The following EIF4E variants were observed in gnomAD, a reference collection of about 807,000 sequenced individuals.
The protein encoded by EIF4E is eIF-4F 25 kDa subunit.
For missense variants in EIF4E, 113 were observed against 265.6 expected, an observed-to-expected ratio of 0.43 and a Z score of 3.99; for synonymous variants, 71 against 88.5, an observed-to-expected ratio of 0.80 and a Z score of 1.11.
At chr4:98,917,118 AC>A (rs1560652589) in intron 1 of EIF4E, among the ~76,000 whole-genome samples, 3 of 55,002 alleles carry the variant, frequency 5.5e-5, no homozygotes, top group Non-Finnish European at 1.0e-4. Flanking sequence ...ACACACACAC[AC>A]ACACACACAC....
At chr4:98,899,438 C>G (rs1037165388) in intron 2 of EIF4E, among the ~76,000 whole-genome samples, 18 of 152,072 alleles carry the variant, frequency 1.2e-4, no homozygotes, top group African/African-American at 3.6e-4. Context: ...CATGAGTTAG[C>G]AAGGATATAG....
At chr4:98,883,658 C>T (rs1433711914) in intron 6 of EIF4E, among the ~76,000 whole-genome samples, 2 of 151,948 alleles carry the variant, frequency 1.3e-5, no homozygotes, top group African/African-American at 2.4e-5. Flanking sequence ...CTGCCTCAGC[C>T]TCCCAAAGTG....
intron 1 of EIF4E, among the ~76,000 whole-genome samples, chr4:98,907,762 T>C (rs894137391): frequency 3.3e-5 from 5 of 152,184 alleles, no homozygotes; most frequent in African/African-American, 9.7e-5. Flanking sequence ...ATTTAAGTGA[T>C]CTAGGGTAAG....
Position 98,880,901 on chromosome 4 carries a change from G to A in EIF4E, c.*127C>T, listed in dbSNP as rs1208756118. ...GGCGAATGAGACTTCTCTTATATCT[G>A]AGTAACATTAAGATGGAAATCAAAT... On this transcript the variant is annotated 3_prime_UTR_variant, in exon 7 of 7. Transcript: ENST00000450253. 8.8e-6 allele frequency: 13 copies of A among 1,481,884 alleles called. No homozygotes were observed. The African/African-American group carries it at 1.8e-4, about 21-fold the overall frequency. 91.8% of individuals were successfully genotyped at this position (1,481,884 alleles called of 1,614,324 possible). A position where few individuals can be genotyped will look rare whatever the true frequency, so the allele number is the denominator to read the frequency against.
chr4:98,900,751 G>T (rs1384240476), intron 2 of EIF4E, among the ~76,000 whole-genome samples: 1 of 152,118 alleles, frequency 6.6e-6, no homozygotes, highest in African/African-American at 2.4e-5. Context: ...AAACCTACTG[G>T]AAAGGAGTGG....
At chr4:98,912,536 A>G (rs2110211624) in intron 1 of EIF4E, among the ~76,000 whole-genome samples, 1 of 152,130 alleles carries the variant, frequency 6.6e-6, no homozygotes, top group Admixed American at 6.5e-5. Context: ...AGATCGCACC[A>G]CTGCACTCCA....
intron 1 of EIF4E, chr4:98,928,834 T>C (rs1721345936): frequency 1.3e-6 from 2 of 1,528,952 alleles, no homozygotes; most frequent in African/African-American, 1.4e-5. Flanking sequence ...ACCTCGCGGT[T>C]CCGCAGGAGG....
At chr4:98,898,464 C>T (rs1236276530) in intron 2 of EIF4E, among the ~76,000 whole-genome samples, 3 of 151,758 alleles carry the variant, frequency 2.0e-5, no homozygotes, top group Non-Finnish European at 4.4e-5. Context: ...AAAAATTAGC[C>T]GGGCATGGTG....
At chr4:98,907,147 A>C (rs762384484) in intron 1 of EIF4E, among the ~76,000 whole-genome samples, 2 of 152,200 alleles carry the variant, frequency 1.3e-5, no homozygotes, top group Non-Finnish European at 2.9e-5. Flanking sequence ...AAAATTTTTT[A>C]AATTATATTT....
intron 6 of EIF4E, among the ~76,000 whole-genome samples, chr4:98,883,896 A>AG (rs1723803964): frequency 6.6e-6 from 1 of 151,960 alleles, no homozygotes; most frequent in South Asian, 2.1e-4. Flanking sequence ...GAAAATAGCC[A>AG]GGTGTGGTCA....
At position 98,922,622 on chromosome 4, in the gene EIF4E, A is replaced by G. The variant is rs527245513; in HGVS notation, c.18+6473T>C. Among the ~76,000 whole-genome samples, 4 of 152,198 alleles carry G rather than the reference A, an allele frequency of 2.6e-5. No homozygotes were observed. The East Asian group carries it at 5.8e-4, about 22-fold the overall frequency. On this transcript the variant is annotated intron_variant, in intron 1 of 6. Coordinates refer to ENST00000450253, the MANE Select transcript of EIF4E (RefSeq NM_001968.5). Reference sequence around the variant, plus strand: ...CATTCAGTGTGGTACTTAACATAGAATAAGTGCTATGTGTAGCAATTACAA... The same window carrying G: ...CATTCAGTGTGGTACTTAACATAGAGTAAGTGCTATGTGTAGCAATTACAA...
chr4:98,882,523 C>G (rs1560631957), intron 6 of EIF4E, among the ~76,000 whole-genome samples: 1 of 150,994 alleles, frequency 6.6e-6, no homozygotes, highest in African/African-American at 2.4e-5. Context: ...CAACATGATA[C>G]TAGGATAGGT....
At chr4:98,924,802 A>C (rs1725801226) in intron 1 of EIF4E, among the ~76,000 whole-genome samples, 1 of 151,942 alleles carries the variant, frequency 6.6e-6, no homozygotes, top group Non-Finnish European at 1.5e-5. Context: ...CATTTTGGCC[A>C]GGCTGGTCTC....
intron 1 of EIF4E, among the ~76,000 whole-genome samples, chr4:98,903,220 G>A (rs1724723319): frequency 6.6e-6 from 1 of 152,128 alleles, no homozygotes; most frequent in South Asian, 2.1e-4. Context: ...AAAGGGCAAT[G>A]CAACAAGTGT....
At chr4:98,920,168 TAGAC>T (rs1434186768) in intron 1 of EIF4E, among the ~76,000 whole-genome samples, 3 of 152,230 alleles carry the variant, frequency 2.0e-5, no homozygotes, top group Non-Finnish European at 4.4e-5. Flanking sequence ...TTTTCCACAT[TAGAC>T]AGAACTTAGC....
At chr4:98,895,062 T>C (rs1447311938) in intron 2 of EIF4E, 4 of 152,260 alleles carry the variant, frequency 2.6e-5, no homozygotes, top group African/African-American at 9.6e-5. Context: ...TCAATTAAGT[T>C]TGCCATCTTA....
intron 1 of EIF4E, chr4:98,909,955 G>A: frequency 2.0e-6 from 1 of 510,554 alleles, no homozygotes; most frequent in Non-Finnish European, 3.4e-6. Context: ...TTTCCTCACA[G>A]CACCCTCAAA....
At chr4:98,928,890 C>T (rs1358173825) in intron 1 of EIF4E, 27 of 1,553,074 alleles carry the variant, frequency 1.7e-5, no homozygotes, top group Non-Finnish European at 2.2e-5. Flanking sequence ...TTCTCGGGCC[C>T]CCACCAGAAA....
At chr4:98,908,007 T>A (rs1034201645) in intron 1 of EIF4E, among the ~76,000 whole-genome samples, 3 of 152,124 alleles carry the variant, frequency 2.0e-5, no homozygotes, top group Non-Finnish European at 4.4e-5. Flanking sequence ...AATTTTAAGA[T>A]GAGGAAAAAA....
Sources: allele counts gnomAD v4.1 joint callset (sites outside exome capture counted in the v4.1 genomes callset), GRCh38; gene constraint gnomAD v4.1.1; transcripts MANE v1.5; gene names NCBI Gene and HGNC (gene_info 2026-07-23, HGNC 2026-07-21).